Variants in TRIM28 observed in about 807,000 individuals in gnomAD.
TRIM28 encodes the protein transcription intermediary factor 1-beta.
A neutral mutation model predicts 87.4 loss-of-function variants in TRIM28; 8 were observed. The observed-to-expected ratio is 0.09, with a 90% CI of 0.05 to 0.17. The LOEUF (loss-of-function observed/expected upper bound fraction) is 0.17. TRIM28 is among the 10% of genes least tolerant of loss of function. The pLI is 1.00. For missense variants in TRIM28, 968 were observed against 1,131.8 expected, an observed-to-expected ratio of 0.86 and a Z score of 2.08; for synonymous variants, 601 against 454.3, an observed-to-expected ratio of 1.32 and a Z score of -4.11.
chr19:58,546,154 G>A (rs1159344966), intron 3 of TRIM28, among the ~76,000 whole-genome samples: 5 of 152,156 alleles, frequency 3.3e-5, no homozygotes, highest in Admixed American at 6.5e-5. Context: ...GGTTTGAGAA[G>A]GCTTATCAGG....
chr19:58,547,553 C>G (rs2053772099), intron 4 of TRIM28, 42 bp downstream of exon 4: 1 of 1,613,502 alleles, frequency 6.2e-7, no homozygotes. Context: ...GGGTGCCACC[C>G]CTTCCGTAGC....
intron 1 of TRIM28, 84 bp from the exon 2 acceptor site, chr19:58,545,341 G>T (rs2053751702): frequency 9.5e-6 from 11 of 1,153,776 alleles, no homozygotes; most frequent in African/African-American, 6.2e-5. Flanking sequence ...GATAATGGTC[G>T]GGGGCCCACC....
rs756130753 is a variant in TRIM28, at chr19:58,549,440, G to A, written c.1772G>A (p.Arg591His). Residue 591 changes from arginine to histidine, a missense_variant, in exon 13 of 17, where the codon CGC becomes CAC. Coordinates refer to ENST00000253024, the MANE Select transcript of TRIM28 (RefSeq NM_005762.3). This position sits in a 1 kb window ranked among gnomAD's most constrained non-coding sequence, Gnocchi z 4.4. ...LAEGPGAEGP[R>H]LASPSGSTSS... is the part of the protein sequence containing the mutation. ...GAGGGTCCTGGTGCTGAGGGTCCCC[G>A]CCTGGCCTCACCTAGTGGCAGCACC... is the stretch of plus-strand genomic sequence containing the variant. 10 of 1,608,878 alleles carry A rather than the reference G, an allele frequency of 6.2e-6. No homozygotes were observed. The highest frequency in any genetic ancestry group is 2.7e-5 in the African/African-American group (2 of 74,936).
intron 3 of TRIM28, 112 bp downstream of exon 3, chr19:58,546,008 C>G (rs770970571): frequency 4.4e-5 from 59 of 1,353,932 alleles, no homozygotes; most frequent in Non-Finnish European, 5.5e-5. Context: ...CTAGGGGGTG[C>G]CGCCCGAAGG....
rs545097600 is a variant in TRIM28, at chr19:58,545,109, G to A, written c.340+12G>A. 3 of 1,408,968 alleles carry A rather than the reference G, an allele frequency of 2.1e-6. No individual in the cohort carries two copies. Among genetic ancestry groups the A allele is most frequent in the Admixed American group, 3.5e-5 (1 of 28,926 alleles). 87.3% of individuals were successfully genotyped at this position (1,408,968 alleles called of 1,614,324 possible). A position where few individuals can be genotyped will look rare whatever the true frequency, so the allele number is the denominator to read the frequency against. On this transcript the variant is annotated intron_variant, in intron 1 of 16. Coordinates refer to ENST00000253024, the MANE Select transcript of TRIM28 (RefSeq NM_005762.3). Reference sequence around the variant, plus strand: ...GGGCGACGGCACCGGTAAGTACGAAGTGATCGGTGCCACCCCTCCCCCTAC... The same window carrying A: ...GGGCGACGGCACCGGTAAGTACGAAATGATCGGTGCCACCCCTCCCCCTAC...
In TRIM28 at chr19:58,544,745, C is replaced by A; in HGVS notation, c.-13C>A. ...CCCCTCCTCCCCCCCTGGGCGCCCC[C>A]GGCGGCGTGTGAATGGCGGCCTCCG... On this transcript the variant is annotated 5_prime_UTR_variant, in exon 1 of 17. Transcript: ENST00000253024. 1.8e-6 allele frequency: 2 copies of A among 1,082,534 alleles called. No individual in the cohort carries two copies. The highest frequency in any genetic ancestry group is 4.2e-5 in the South Asian group (1 of 23,764). The allele number at this position is 1,082,534 out of a possible 1,614,324, so 67.1% of individuals were successfully genotyped here. A position where few individuals can be genotyped will look rare whatever the true frequency, so the allele number is the denominator to read the frequency against.
At chr19:58,545,230 C>T (rs1038685536) in intron 1 of TRIM28, 133 bp downstream of exon 1, 62 of 955,898 alleles carry the variant, frequency 6.5e-5, no homozygotes, top group East Asian at 2.2e-4. Flanking sequence ...CTTTCTGGGT[C>T]CTGCATACGA....
chr19:58,546,321 A>G (rs1452830703), intron 3 of TRIM28, among the ~76,000 whole-genome samples: 1 of 152,108 alleles, frequency 6.6e-6, no homozygotes, highest in Admixed American at 6.5e-5. Context: ...AGTGATGATG[A>G]TTTTTGGAAG....
chr19:58,547,989 AT>A lies in TRIM28; in HGVS notation c.955-43del, dbSNP rs778368907. On this transcript the variant is annotated intron_variant, in intron 6 of 16. Coordinates refer to ENST00000253024, the MANE Select transcript of TRIM28 (RefSeq NM_005762.3). ...GTCTGGGGTGAGGAGTGATCCTAGT[AT>A]TCTTCTGCCTTCTCTGCTTACCTCA... The A allele has an allele frequency of 5.6e-6, 9 of 1,613,082 alleles. No homozygotes were observed. In the South Asian group the frequency reaches 9.9e-5, roughly 18 times the overall value.
rs373664048 is a variant in TRIM28, at chr19:58,549,378, G to A, written c.1710G>A (p.Glu570=). The A allele has an allele frequency of 2.5e-6, 4 of 1,575,888 alleles. No homozygotes were observed. Residue 570 remains glutamate (E), a synonymous_variant, in exon 13 of 17, where the codon GAG becomes GAA. Coordinates refer to ENST00000253024, the MANE Select transcript of TRIM28 (RefSeq NM_005762.3). The surrounding 1 kb of genome is among the most constrained non-coding windows in gnomAD (Gnocchi z 4.4). ...TTGGAGCCCCTCCTACTGCCACTGA[G>A]GGCCCTGAGACCAAACCTGTGCTTA... is the stretch of plus-strand genomic sequence containing the variant. ...AAIGAPPTAT[E]GPETKPVLMA... is the part of the protein sequence containing the mutation.
intron 2 of TRIM28, 35 bp downstream of exon 2, chr19:58,545,572 T>G (rs1455759757): frequency 6.4e-7 from 1 of 1,562,650 alleles, no homozygotes; most frequent in African/African-American, 1.4e-5. Context: ...AGGAGGTTTC[T>G]GGGGAGGGGG....
Position 58,550,693 on chromosome 19 carries a change from A to G in TRIM28, c.*140A>G, listed in dbSNP as rs1359947807. 7.6e-6 allele frequency: 7 copies of G among 919,554 alleles called. No homozygotes were observed. In the Admixed American group the frequency reaches 8.8e-5, roughly 12 times the overall value. 57.0% of individuals were successfully genotyped at this position (919,554 alleles called of 1,614,324 possible). A position where few individuals can be genotyped will look rare whatever the true frequency, so the allele number is the denominator to read the frequency against. On this transcript the variant is annotated 3_prime_UTR_variant, in exon 17 of 17. Coordinates refer to ENST00000253024, the MANE Select transcript of TRIM28 (RefSeq NM_005762.3). ...CACGATATGGTTTTTACTTCTGTGG[A>G]TTTAATAAAAACTTCACCAGTTCCT...
chr19:58,549,694 T>C lies in TRIM28; in HGVS notation c.1983-43T>C. 6.2e-7 allele frequency: 1 copy of C among 1,601,124 alleles called. No individual in the cohort carries two copies. Among genetic ancestry groups the C allele is most frequent in the Non-Finnish European group, 8.5e-7 (1 of 1,170,800 alleles). On this transcript the variant is annotated intron_variant, in intron 13 of 16. Coordinates refer to ENST00000253024, the MANE Select transcript of TRIM28 (RefSeq NM_005762.3). The surrounding 1 kb of genome is among the most constrained non-coding windows in gnomAD (Gnocchi z 4.4). ...GGGGTCAAGTCTGGGTGTTGGGCTGTCTGGACAGGATCATGTGCAGACCCT... is the reference window on the plus strand; with the variant it reads ...GGGGTCAAGTCTGGGTGTTGGGCTGCCTGGACAGGATCATGTGCAGACCCT...
rs1019224517 is a variant in TRIM28 at position 58,544,524 on chromosome 19, G to C, written c.-234G>C. ...TGTGGCGCGTGGTGCGGGTTTCGGCGGCGGCTGAGGAAGAAGCGCGGGCGG... is the reference window on the plus strand; with the variant it reads ...TGTGGCGCGTGGTGCGGGTTTCGGCCGCGGCTGAGGAAGAAGCGCGGGCGG... On this transcript the variant is annotated 5_prime_UTR_variant, in exon 1 of 17. Transcript: ENST00000253024. 1 of 153,168 alleles carries C rather than the reference G, an allele frequency of 6.5e-6. No homozygotes were observed. Among genetic ancestry groups the C allele is most frequent in the Admixed American group, 6.6e-5 (1 of 15,260 alleles). The allele number at this position is 153,168 out of a possible 1,614,324, so 9.5% of individuals were successfully genotyped here. A position where few individuals can be genotyped will look rare whatever the true frequency, so the allele number is the denominator to read the frequency against.
rs765624069 is a variant in TRIM28, at chr19:58,549,321, C to T, written c.1663-10C>T. ...GACCCTGTTGAACACCCCTCATCAC[C>T]ACCTTGCAGGAGGAGGAGACGGAGG... On this transcript the variant is annotated splice_polypyrimidine_tract_variant and intron_variant, in intron 12 of 16. Coordinates refer to ENST00000253024, the MANE Select transcript of TRIM28 (RefSeq NM_005762.3). This position sits in a 1 kb window ranked among gnomAD's most constrained non-coding sequence, Gnocchi z 4.4. 16 of 1,568,228 alleles carry T rather than the reference C, an allele frequency of 1.0e-5. No homozygotes were observed. The highest frequency in any genetic ancestry group is 1.2e-5 in the Non-Finnish European group (14 of 1,154,092).
rs1392498659 is a variant in TRIM28 at position 58,549,328 on chromosome 19, C to T, written c.1663-3C>T. ...TTGAACACCCCTCATCACCACCTTGCAGGAGGAGGAGACGGAGGCTGCCAT... is the reference window on the plus strand; with the variant it reads ...TTGAACACCCCTCATCACCACCTTGTAGGAGGAGGAGACGGAGGCTGCCAT... On this transcript the variant is annotated splice_polypyrimidine_tract_variant and splice_region_variant and intron_variant, in intron 12 of 16. Transcript: ENST00000253024. This position sits in a 1 kb window ranked among gnomAD's most constrained non-coding sequence, Gnocchi z 4.4. 6.4e-7 allele frequency: 1 copy of T among 1,566,752 alleles called. No homozygotes were observed.
rs370228180 is a variant in TRIM28, at chr19:58,549,718, C to G, written c.1983-19C>G. On this transcript the variant is annotated intron_variant, in intron 13 of 16. Transcript: ENST00000253024. The surrounding 1 kb of genome is among the most constrained non-coding windows in gnomAD (Gnocchi z 4.4). ...GTCTGGACAGGATCATGTGCAGACC[C>G]TTATTTTCTTCACCCTAGGGAGGAG... The G allele has an allele frequency of 3.1e-6, 5 of 1,599,604 alleles. No individual in the cohort carries two copies. In the African/African-American group the frequency reaches 5.4e-5, roughly 17 times the overall value.
Position 58,550,505 on chromosome 19 carries a change from T to C in TRIM28, c.2460T>C (p.Ala820=), listed in dbSNP as rs757044200. 1.7e-5 allele frequency: 27 copies of C among 1,612,514 alleles called. No individual in the cohort carries two copies. In the East Asian group the frequency reaches 5.6e-4, roughly 33 times the overall value. The change falls in exon 17 of 17, where the codon GCT becomes GCC. Residue 820 remains alanine, a synonymous_variant. Transcript: ENST00000253024. ...CCCCGCCGATGAGCCTGCCTGGTGC[T>C]GGCCTGAGTTCCCAGGAGCTGTCTG... ...VEPPPMSLPG[A]GLSSQELSGG...
At position 58,544,149 on chromosome 19, in the gene TRIM28, C is replaced by T. The variant is rs1473821811; in HGVS notation, c.-609C>T. ...GACGGATTGCCCATGCGCTTGGGCG[C>T]ACAGCGGCCCGCTTCTGTGTGGTCT... On this transcript the variant is annotated 5_prime_UTR_variant, in exon 1 of 17. Transcript: ENST00000253024. 2 of 152,430 alleles carry T rather than the reference C, an allele frequency of 1.3e-5. No individual in the cohort carries two copies. Among genetic ancestry groups the T allele is most frequent in the African/African-American group, 4.8e-5 (2 of 41,482 alleles). 9.4% of individuals were successfully genotyped at this position (152,430 alleles called of 1,614,324 possible).
Sources: gnomAD v4.1 joint callset for allele counts (sites outside exome capture counted in the v4.1 genomes callset) on GRCh38, gnomAD v4.1.1 for gene constraint, Gnocchi (gnomAD v3.1) non-coding constraint, MANE v1.5 for transcripts, NCBI Gene and HGNC (gene_info 2026-07-23, HGNC 2026-07-21) for gene names.